DNER: variants seen among roughly 807,000 people sequenced by gnomAD.
DNER encodes the protein delta/notch like EGF repeat containing, also known as delta and Notch-like epidermal growth factor-related receptor.
Under a neutral mutation model 78.2 loss-of-function variants are expected in DNER, and 33 were observed. That is an observed-to-expected ratio of 0.42 (90% CI 0.32 to 0.56). DNER has a LOEUF of 0.56. DNER is among the 20% of genes least tolerant of loss of function. The probability of loss-of-function intolerance (pLI) is 0.11; values close to 1 mark genes in which losing one functional copy is unlikely to be tolerated. For missense variants in DNER, 918 were observed against 975.3 expected (o/e 0.94, Z 0.78); for synonymous variants, 417 against 384.8 (o/e 1.08, Z -0.98).
intron 6 of DNER, among the ~76,000 whole-genome samples, chr2:229,505,730 C>G (rs141528910): frequency 1.3e-5 from 2 of 152,186 alleles, no homozygotes; most frequent in East Asian, 3.8e-4. Flanking sequence ...AAATTATACA[C>G]GTTTCAAGAA....
chr2:229,672,314 T>C (rs969995733), intron 1 of DNER, among the ~76,000 whole-genome samples: 1 of 151,936 alleles, frequency 6.6e-6, no homozygotes, highest in African/African-American at 2.4e-5. Flanking sequence ...ACTCTCTGTG[T>C]GGTCTCCAGC....
In DNER at chr2:229,416,526, G is replaced by T. The variant is rs558376964; in HGVS notation, c.1609+1582C>A. 3.9e-5 allele frequency among the ~76,000 whole-genome samples: 6 copies of T among 152,252 alleles called. No individual in the cohort carries two copies. In the East Asian group the frequency reaches 9.6e-4, roughly 24 times the overall value. ...GGTGTTCTCAAGGCCACAAAAAATGGGGGGGCCAGCTCAGCCTACTGTGCA... is the reference window on the plus strand; with the variant it reads ...GGTGTTCTCAAGGCCACAAAAAATGTGGGGGCCAGCTCAGCCTACTGTGCA... On this transcript the variant is annotated intron_variant, in intron 9 of 12. Coordinates refer to ENST00000341772, the MANE Select transcript of DNER (RefSeq NM_139072.4).
intron 9 of DNER, among the ~76,000 whole-genome samples, chr2:229,415,048 G>C (rs549637374): frequency 6.6e-6 from 1 of 152,268 alleles, no homozygotes; most frequent in South Asian, 2.1e-4. Flanking sequence ...TGTAATCCCA[G>C]CTACTCAGGA....
intron 7 of DNER, among the ~76,000 whole-genome samples, chr2:229,451,316 G>T (rs1694452186): frequency 2.0e-5 from 3 of 152,158 alleles, no homozygotes; most frequent in Admixed American, 2.0e-4. Flanking sequence ...AATTAGCCGG[G>T]TGTGGTGGTG....
chr2:229,481,668 C>T (rs974753499), intron 6 of DNER, among the ~76,000 whole-genome samples: 1 of 152,116 alleles, frequency 6.6e-6, no homozygotes, highest in Non-Finnish European at 1.5e-5. Flanking sequence ...AAAGTCTTGG[C>T]CTGGGTTTTC....
chr2:229,512,966 T>C (rs1559153799), intron 5 of DNER, 30 bp from the exon 6 acceptor site: 1 of 1,606,568 alleles, frequency 6.2e-7, no homozygotes, highest in East Asian at 2.2e-5. Flanking sequence ...CAGTGTCTAT[T>C]ACCTGGCACC....
intron 9 of DNER, among the ~76,000 whole-genome samples, chr2:229,414,539 G>A (rs113675701): frequency 2.4e-3 from 370 of 152,256 alleles, no homozygotes; most frequent in African/African-American, 8.0e-3. Flanking sequence ...TTACAGGTGC[G>A]AGCCACCACA....
At chr2:229,378,753 C>T (rs951038526) in intron 11 of DNER, among the ~76,000 whole-genome samples, 1 of 152,146 alleles carries the variant, frequency 6.6e-6, no homozygotes, top group Non-Finnish European at 1.5e-5. Context: ...CCTCAGAGGC[C>T]GTGGTTCCCA....
At chr2:229,517,226 A>G (rs772515754) in intron 5 of DNER, among the ~76,000 whole-genome samples, 8 of 152,346 alleles carry the variant, frequency 5.3e-5, no homozygotes, top group Middle Eastern at 3.4e-3. Context: ...AGCATATACT[A>G]TGTGCCAGGC....
intron 8 of DNER, among the ~76,000 whole-genome samples, chr2:229,419,446 G>T (rs907198205): frequency 4.6e-5 from 7 of 152,126 alleles, no homozygotes; most frequent in African/African-American, 1.7e-4. Context: ...ATCCAAGTAG[G>T]AATTAGAACT....
chr2:229,467,006 G>A (rs919839336), intron 7 of DNER, among the ~76,000 whole-genome samples: 3 of 152,236 alleles, frequency 2.0e-5, no homozygotes, highest in South Asian at 2.1e-4. Context: ...AAAAAATCAC[G>A]AAAATGATTT....
At chr2:229,497,391 T>C (rs1695521151) in intron 6 of DNER, among the ~76,000 whole-genome samples, 1 of 151,272 alleles carries the variant, frequency 6.6e-6, no homozygotes, top group African/African-American at 2.4e-5. Context: ...CTAAAGAAGC[T>C]AGACAAAGAA....
intron 1 of DNER, among the ~76,000 whole-genome samples, chr2:229,666,471 T>A (rs910784143): frequency 2.6e-5 from 4 of 152,170 alleles, no homozygotes; most frequent in Non-Finnish European, 2.9e-5. Flanking sequence ...TAGAACTGAG[T>A]TCTGAGTACA....
At chr2:229,455,417 G>C (rs926779467) in intron 7 of DNER, among the ~76,000 whole-genome samples, 1 of 152,050 alleles carries the variant, frequency 6.6e-6, no homozygotes, top group Non-Finnish European at 1.5e-5. Flanking sequence ...GGTGGTTCTG[G>C]GGTAATCTCA....
chr2:229,363,627 G>A lies in DNER; in HGVS notation c.2102+3246C>T, dbSNP rs547370250. ...CAGGAGCTTGCCCGTTAGGAATTCC[G>A]CAGTAAATATTTTTGATATAAATCA... On this transcript the variant is annotated intron_variant, in intron 12 of 12. Coordinates refer to ENST00000341772, the MANE Select transcript of DNER (RefSeq NM_139072.4). 1.8e-4 allele frequency among the ~76,000 whole-genome samples: 28 copies of A among 152,326 alleles called. 1 individual carries two copies. Among genetic ancestry groups the A allele is most frequent in the South Asian group, 6.2e-4 (3 of 4,824 alleles).
At chr2:229,601,120 T>C (rs1036815147) in intron 1 of DNER, among the ~76,000 whole-genome samples, 2 of 152,180 alleles carry the variant, frequency 1.3e-5, no homozygotes, top group Non-Finnish European at 2.9e-5. Context: ...TAGAACATTC[T>C]AAAGGCGTTT....
intron 1 of DNER, among the ~76,000 whole-genome samples, chr2:229,678,772 G>A (rs1021031316): frequency 4.5e-4 from 69 of 152,176 alleles, no homozygotes; most frequent in African/African-American, 3.9e-4. Context: ...GCAGTATACC[G>A]TCACATGACT....
intron 9 of DNER, among the ~76,000 whole-genome samples, chr2:229,412,719 G>C (rs990225504): frequency 7.9e-5 from 12 of 152,182 alleles, no homozygotes; most frequent in Non-Finnish European, 1.6e-4. Context: ...CCAAGACTTA[G>C]TGAGGGCAGA....
chr2:229,709,880 C>T lies in DNER; in HGVS notation c.276+4268G>A, dbSNP rs75694306. 5.2e-3 allele frequency among the ~76,000 whole-genome samples: 788 copies of T among 152,216 alleles called. 6 individuals are homozygous for T. Among genetic ancestry groups the T allele is most frequent in the African/African-American group, 0.017 (720 of 41,536 alleles). ...CAAATGTAAATAGCCCCTTCTTTGA[C>T]GGACAGCCCAATAGAAGGAGTTTCT... is the stretch of plus-strand genomic sequence containing the variant. On this transcript the variant is annotated intron_variant, in intron 1 of 12. Coordinates refer to ENST00000341772, the MANE Select transcript of DNER (RefSeq NM_139072.4).
Sources: allele counts gnomAD v4.1 joint callset (sites outside exome capture counted in the v4.1 genomes callset), GRCh38; gene constraint gnomAD v4.1.1; transcripts MANE v1.5; gene names NCBI Gene and HGNC (gene_info 2026-07-23, HGNC 2026-07-21).